The following CA2 variants were observed in gnomAD, a reference collection of about 807,000 sequenced individuals.
The protein encoded by CA2 is carbonate dehydratase II.
In CA2, 23 loss-of-function variants were observed where a neutral mutation model predicts 27.8. That is an observed-to-expected ratio of 0.83 (90% CI 0.59 to 1.17). The LOEUF is 1.17. Ranked by LOEUF, CA2 falls within the 50% of genes most tolerant of loss-of-function variation. The probability of loss-of-function intolerance (pLI) is 0.00; values close to 1 mark genes in which losing one functional copy is unlikely to be tolerated. For synonymous variants in CA2, 99 were observed against 114.9 expected (o/e 0.86, Z 0.88); for missense variants, 300 against 314.7 (o/e 0.95, Z 0.35).
chr8:85,477,035 A>T lies in CA2; in HGVS notation c.508-85A>T, dbSNP rs1461104110. 3 of 1,292,000 alleles carry T rather than the reference A, an allele frequency of 2.3e-6. No homozygotes were observed. In the African/African-American group the frequency reaches 4.4e-5, roughly 19 times the overall value. 80.0% of individuals were successfully genotyped at this position (1,292,000 alleles called of 1,614,324 possible). A position where few individuals can be genotyped will look rare whatever the true frequency, so the allele number is the denominator to read the frequency against. The stretch of plus-strand genomic sequence containing the variant: ...GTGTTTTTGACCATCAGAGGGGAGT[A>T]TACCTATTTGTGTCTGCTGCTCTCC... On this transcript the variant is annotated intron_variant, in intron 5 of 6. Transcript: ENST00000285379.
At chr8:85,474,607 A>C in intron 4 of CA2, 191 bp downstream of exon 4, 1 of 620,060 alleles carries the variant, frequency 1.6e-6, no homozygotes, top group South Asian at 1.9e-5. Flanking sequence ...AGACAATAGG[A>C]GAGGTACTTA....
intron 4 of CA2, 145 bp downstream of exon 4, chr8:85,474,561 C>T (rs1811762559): frequency 2.8e-6 from 2 of 718,032 alleles, no homozygotes; most frequent in African/African-American, 1.8e-5. Context: ...CTCCTCCTTT[C>T]ATATCTGCTA....
At chr8:85,474,275 G>C (rs2130559023) in intron 3 of CA2, 49 bp from the exon 4 acceptor site, 1 of 1,310,124 alleles carries the variant, frequency 7.6e-7, no homozygotes, top group East Asian at 2.3e-5. Flanking sequence ...AAATCTGTCA[G>C]CTTTGATTAT....
intron 2 of CA2, among the ~76,000 whole-genome samples, chr8:85,465,863 T>G (rs1468191071): frequency 6.6e-6 from 1 of 152,212 alleles, no homozygotes; most frequent in African/African-American, 2.4e-5. Context: ...TATATCTTAG[T>G]GAGCCTTATC....
chr8:85,469,053 T>G (rs1044907520), intron 2 of CA2, among the ~76,000 whole-genome samples: 6 of 152,146 alleles, frequency 3.9e-5, no homozygotes, highest in Non-Finnish European at 8.8e-5. Context: ...GATAACCTTA[T>G]TTGACATTTA....
chr8:85,466,127 T>TA (rs10573662), intron 2 of CA2, among the ~76,000 whole-genome samples: 93 of 135,616 alleles, frequency 6.9e-4, no homozygotes, highest in Admixed American at 1.0e-3. Context: ...ATGCTCACTG[T>TA]AAAAAAAAAA....
At chr8:85,466,681 C>T (rs376586031) in intron 2 of CA2, among the ~76,000 whole-genome samples, 5 of 24,742 alleles carry the variant, frequency 2.0e-4, no homozygotes, top group African/African-American at 1.1e-3. Context: ...TACATACATA[C>T]ACACACACAC....
chr8:85,476,691 C>T (rs762417822), intron 5 of CA2, among the ~76,000 whole-genome samples: 18 of 152,138 alleles, frequency 1.2e-4, no homozygotes, highest in Non-Finnish European at 1.9e-4. Flanking sequence ...GTGTCCAAAA[C>T]AGAATGTAGT....
intron 2 of CA2, among the ~76,000 whole-genome samples, chr8:85,468,996 A>G (rs1265796540): frequency 6.6e-6 from 1 of 152,202 alleles, no homozygotes; most frequent in African/African-American, 2.4e-5. Flanking sequence ...TGGAGGGACT[A>G]AGTAGCAATC....
intron 1 of CA2, 24 bp downstream of exon 1, chr8:85,464,139 C>T: frequency 3.3e-6 from 5 of 1,531,934 alleles, no homozygotes; most frequent in Middle Eastern, 1.7e-4. Context: ...ACGGCCAGCG[C>T]GGGGGCGCCC....
chr8:85,472,487 G>A (rs982621956), intron 2 of CA2, among the ~76,000 whole-genome samples: 1 of 152,116 alleles, frequency 6.6e-6, no homozygotes, highest in African/African-American at 2.4e-5. Context: ...GTAGCCGATG[G>A]ATGTGATTTT....
chr8:85,480,348 T>C (rs1176561591), intron 6 of CA2, among the ~76,000 whole-genome samples: 2 of 152,098 alleles, frequency 1.3e-5, no homozygotes, highest in Non-Finnish European at 2.9e-5. Flanking sequence ...AATCTCTGCC[T>C]CCAGGGTTTA....
intron 2 of CA2, among the ~76,000 whole-genome samples, chr8:85,468,934 CAG>C (rs1452129265): frequency 6.6e-6 from 1 of 151,150 alleles, no homozygotes; most frequent in Non-Finnish European, 1.5e-5. Context: ...CATGAAGAAA[CAG>C]AAGCTGAAGA....
rs33943397 is a variant in CA2, at chr8:85,468,836, C to CT, written c.232+3381dup. On this transcript the variant is annotated intron_variant, in intron 2 of 6. Transcript: ENST00000285379. The stretch of plus-strand genomic sequence containing the variant: ...GAAAAACTCCCTTTAGACTTTCTTT[C>CT]TTTTTTTTTTTTTTAAATAAAACAA... 2.6e-4 allele frequency among the ~76,000 whole-genome samples: 38 copies of CT among 146,914 alleles called. No individual in the cohort carries two copies. The South Asian group carries it at 5.2e-3, about 20-fold the overall frequency.
chr8:85,465,536 C>A, intron 2 of CA2, 67 bp downstream of exon 2: 3 of 1,279,338 alleles, frequency 2.3e-6, no homozygotes, highest in Non-Finnish European at 3.3e-6. Flanking sequence ...ATGGAAGGAG[C>A]CAGGAACAGT....
chr8:85,472,500 T>C (rs1034840040), intron 2 of CA2, among the ~76,000 whole-genome samples: 5 of 152,206 alleles, frequency 3.3e-5, no homozygotes, highest in African/African-American at 9.6e-5. Context: ...GTGATTTTTG[T>C]TACTGATTTT....
intron 3 of CA2, 28 bp downstream of exon 3, chr8:85,473,839 A>G (rs1811745441): frequency 8.1e-7 from 1 of 1,229,978 alleles, no homozygotes; most frequent in African/African-American, 1.5e-5. Context: ...TTTTCTTTCC[A>G]GGGAAAAATG....
chr8:85,464,155 C>T lies in CA2; in HGVS notation c.34+40C>T, dbSNP rs766062903. ...CGGCCAGCGCGGGGGCGCCCCGATC[C>T]CCGATCCCCGATCCCCGATCCCCGA... On this transcript the variant is annotated intron_variant, in intron 1 of 6. Coordinates refer to ENST00000285379, the MANE Select transcript of CA2 (RefSeq NM_000067.3). 4.0e-5 allele frequency: 59 copies of T among 1,459,104 alleles called. No individual in the cohort carries two copies. In the Middle Eastern group the frequency reaches 8.8e-4, roughly 22 times the overall value. 90.4% of individuals were successfully genotyped at this position (1,459,104 alleles called of 1,614,324 possible). A position where few individuals can be genotyped will look rare whatever the true frequency, so the allele number is the denominator to read the frequency against.
chr8:85,480,623 A>G, intron 6 of CA2, 47 bp from the exon 7 acceptor site: 1 of 1,583,010 alleles, frequency 6.3e-7, no homozygotes, highest in Non-Finnish European at 8.7e-7. Context: ...ATATAACTGA[A>G]TACCATTGTG....
Sources: allele counts gnomAD v4.1 joint callset (sites outside exome capture counted in the v4.1 genomes callset), GRCh38; gene constraint gnomAD v4.1.1; transcripts MANE v1.5; gene names NCBI Gene and HGNC (gene_info 2026-07-23, HGNC 2026-07-21).